The following ZNF740 variants were observed in gnomAD, a reference collection of about 807,000 sequenced individuals.
ZNF740 encodes the protein oriLyt TD-element-binding protein 7.
Under a neutral mutation model 24.8 loss-of-function variants are expected in ZNF740, and 14 were observed. That is an observed-to-expected ratio of 0.56 (90% confidence interval 0.37 to 0.88). The LOEUF is 0.88. Among genes scored for constraint, ZNF740 ranks in the 40% least tolerant of loss-of-function variants. ZNF740 has a pLI of 0.00. For missense variants in ZNF740, 201 were observed against 247.9 expected (o/e 0.81, Z 1.27); for synonymous variants, 69 against 84.0 (o/e 0.82, Z 0.98).
chr12:53,191,661 A>C lies in ZNF740; in HGVS notation c.*4071A>C. On this transcript the variant is annotated 3_prime_UTR_variant, in exon 7 of 7. Transcript: ENST00000416904. ...CCTGGAGAAAGATGTTGCAGATTATAAGCAAAAATCCCAGGATTCCTCGTC... is the reference window on the plus strand; with the variant it reads ...CCTGGAGAAAGATGTTGCAGATTATCAGCAAAAATCCCAGGATTCCTCGTC... 1 of 1,601,716 alleles carries C rather than the reference A, an allele frequency of 6.2e-7. No individual in the cohort carries two copies. The highest frequency in any genetic ancestry group is 8.6e-7 in the Non-Finnish European group (1 of 1,168,746).
intron 2 of ZNF740, among the ~76,000 whole-genome samples, chr12:53,182,506 G>A (rs144672435): frequency 6.6e-6 from 1 of 152,220 alleles, no homozygotes; most frequent in African/African-American, 2.4e-5. Flanking sequence ...TAGAGACTCT[G>A]AATCTGTTGA....
chr12:53,187,619 A>G lies in ZNF740; in HGVS notation c.*29A>G. 6.3e-7 allele frequency: 1 copy of G among 1,588,324 alleles called. No individual in the cohort carries two copies. The highest frequency in any genetic ancestry group is 8.6e-7 in the Non-Finnish European group (1 of 1,156,994). On this transcript the variant is annotated 3_prime_UTR_variant, in exon 7 of 7. Coordinates refer to ENST00000416904, the MANE Select transcript of ZNF740 (RefSeq NM_001004304.4). Reference sequence around the variant, plus strand: ...CAAGGGGCCCCGGGTGGTGGGAGTGATCAGAAGAACCTGCCGAAGAGCACA... The same window carrying G: ...CAAGGGGCCCCGGGTGGTGGGAGTGGTCAGAAGAACCTGCCGAAGAGCACA...
In ZNF740 at chr12:53,193,219, G is replaced by C; in HGVS notation, c.*5629G>C. ...GATGCCCAGAGCTCTGTCCACTGCA[G>C]CTGCAGCGTCCACATTGACAGTGAC... On this transcript the variant is annotated 3_prime_UTR_variant, in exon 7 of 7. Transcript: ENST00000416904. 1.9e-6 allele frequency: 3 copies of C among 1,614,158 alleles called. No homozygotes were observed. The highest frequency in any genetic ancestry group is 1.6e-4 in the Middle Eastern group (1 of 6,062).
At position 53,191,540 on chromosome 12, in the gene ZNF740, A is replaced by G. The variant is rs758333997; in HGVS notation, c.*3950A>G. 1.4e-5 allele frequency: 23 copies of G among 1,594,088 alleles called. No individual in the cohort carries two copies. The highest frequency in any genetic ancestry group is 4.0e-5 in the African/African-American group (3 of 74,516). ...CCTCCAAGGAGAAGAGCCTTGGGTAAGTGTCCCTCCCTCCTTCAGAGAGTG... is the reference window on the plus strand; with the variant it reads ...CCTCCAAGGAGAAGAGCCTTGGGTAGGTGTCCCTCCCTCCTTCAGAGAGTG... On this transcript the variant is annotated 3_prime_UTR_variant, in exon 7 of 7. Transcript: ENST00000416904.
Position 53,192,347 on chromosome 12 carries a change from C to A in ZNF740, c.*4757C>A. On this transcript the variant is annotated 3_prime_UTR_variant, in exon 7 of 7. Transcript: ENST00000416904. ...CCACTTACTTTCTTGGGGTCTCACT[C>A]TGAGCACGACCGTGCCTCTGGCGTC... is the stretch of plus-strand genomic sequence containing the variant. 6.2e-7 allele frequency: 1 copy of A among 1,614,140 alleles called. No individual in the cohort carries two copies. The highest frequency in any genetic ancestry group is 1.3e-5 in the African/African-American group (1 of 75,048).
Position 53,191,150 on chromosome 12 carries a change from A to T in ZNF740, c.*3560A>T. On this transcript the variant is annotated 3_prime_UTR_variant, in exon 7 of 7. Transcript: ENST00000416904. ...TTGAGAATTCATAGGCCCTTTCCAGACCTGGCTTCCTGGGTCCCAGGGTGC... is the reference window on the plus strand; with the variant it reads ...TTGAGAATTCATAGGCCCTTTCCAGTCCTGGCTTCCTGGGTCCCAGGGTGC... 4.1e-6 allele frequency: 1 copy of T among 243,400 alleles called. No homozygotes were observed. Among genetic ancestry groups the T allele is most frequent in the Non-Finnish European group, 8.2e-6 (1 of 121,924 alleles). 15.1% of individuals were successfully genotyped at this position (243,400 alleles called of 1,614,324 possible). A position where few individuals can be genotyped will look rare whatever the true frequency, so the allele number is the denominator to read the frequency against.
chr12:53,191,452 G>GA lies in ZNF740; in HGVS notation c.*3864dup, dbSNP rs1301981511. Reference sequence around the variant, plus strand: ...AGGGTGGTGGCCGCACCTCGCCAGTGAATTAGTCCCCTACCAAGGTCTTAC... The same window carrying GA: ...AGGGTGGTGGCCGCACCTCGCCAGTGAAATTAGTCCCCTACCAAGGTCTTAC... On this transcript the variant is annotated 3_prime_UTR_variant, in exon 7 of 7. Coordinates refer to ENST00000416904, the MANE Select transcript of ZNF740 (RefSeq NM_001004304.4). The GA allele has an allele frequency of 1.1e-6, 1 of 914,436 alleles. No homozygotes were observed. The highest frequency in any genetic ancestry group is 1.8e-6 in the Non-Finnish European group (1 of 547,772). 56.6% of individuals were successfully genotyped at this position (914,436 alleles called of 1,614,324 possible). A position where few individuals can be genotyped will look rare whatever the true frequency, so the allele number is the denominator to read the frequency against.
Position 53,192,891 on chromosome 12 carries a change from A to G in ZNF740, c.*5301A>G. On this transcript the variant is annotated 3_prime_UTR_variant, in exon 7 of 7. Transcript: ENST00000416904. ...GGTTGGCATGACAGTGACATACTCC[A>G]CATTGGCAGCGACCAAAGCCTGGGG... The G allele has an allele frequency of 6.2e-7, 1 of 1,614,078 alleles. No individual in the cohort carries two copies. Among genetic ancestry groups the G allele is most frequent in the Non-Finnish European group, 8.5e-7 (1 of 1,179,958 alleles).
At chr12:53,184,219 C>T (rs962174994) in intron 2 of ZNF740, among the ~76,000 whole-genome samples, 3 of 149,680 alleles carry the variant, frequency 2.0e-5, no homozygotes, top group African/African-American at 5.0e-5. Flanking sequence ...GAGGGATTCT[C>T]GCTCTGTTGC....
Position 53,194,460 on chromosome 12 carries a change from G to T in ZNF740, c.*6870G>T, listed in dbSNP as rs1942086064. 4 of 1,025,214 alleles carry T rather than the reference G, an allele frequency of 3.9e-6. No homozygotes were observed. The South Asian group carries it at 6.1e-5, about 16-fold the overall frequency. The allele number at this position is 1,025,214 out of a possible 1,614,324, so 63.5% of individuals were successfully genotyped here. A position where few individuals can be genotyped will look rare whatever the true frequency, so the allele number is the denominator to read the frequency against. ...CAGCACCCTGCCCTCTGCCACCTGG[G>T]GCTCCTTCCATTCTGCCCAGTCGAG... On this transcript the variant is annotated 3_prime_UTR_variant, in exon 7 of 7. Coordinates refer to ENST00000416904, the MANE Select transcript of ZNF740 (RefSeq NM_001004304.4).
In ZNF740 at chr12:53,193,918, A is replaced by ATAT; in HGVS notation, c.*6329_*6330insATT. On this transcript the variant is annotated 3_prime_UTR_variant, in exon 7 of 7. Transcript: ENST00000416904. ...GAAAGTCACCTGAGAAGAGGCAGGA[A>ATAT]TCAGGCCATGGTTATACACATGCAC... The ATAT allele has an allele frequency of 6.2e-7, 1 of 1,605,980 alleles. No individual in the cohort carries two copies. The highest frequency in any genetic ancestry group is 8.5e-7 in the Non-Finnish European group (1 of 1,175,442).
intron 6 of ZNF740, among the ~76,000 whole-genome samples, chr12:53,187,247 G>A (rs1592389087): frequency 6.6e-6 from 1 of 152,288 alleles, no homozygotes; most frequent in East Asian, 1.9e-4. Flanking sequence ...TTGCAGTTTT[G>A]CAGATGAGTA....
intron 1 of ZNF740, 82 bp downstream of exon 1, chr12:53,180,919 C>A: frequency 2.0e-6 from 1 of 502,464 alleles, no homozygotes; most frequent in Non-Finnish European, 2.3e-6. Context: ...GGGTGCCGCG[C>A]GGGAAGGGGG....
In ZNF740 at chr12:53,193,949, C is replaced by T. The variant is rs766254752; in HGVS notation, c.*6359C>T. 2.5e-5 allele frequency: 38 copies of T among 1,533,736 alleles called. No homozygotes were observed. The highest frequency in any genetic ancestry group is 3.5e-4 in the Middle Eastern group (2 of 5,684). Reference sequence around the variant, plus strand: ...CCATGGTTATACACATGCACACACACATACCCCAAACTCACCAATCATCCA... The same window carrying T: ...CCATGGTTATACACATGCACACACATATACCCCAAACTCACCAATCATCCA... On this transcript the variant is annotated 3_prime_UTR_variant, in exon 7 of 7. Transcript: ENST00000416904.
Position 53,186,498 on chromosome 12 carries a change from C to T in ZNF740, c.481C>T (p.Arg161Trp), listed in dbSNP as rs763524672. 20 of 1,570,522 alleles carry T rather than the reference C, an allele frequency of 1.3e-5. No individual in the cohort carries two copies. The highest frequency in any genetic ancestry group is 1.7e-4 in the Middle Eastern group (1 of 6,006). Reference sequence around the variant, plus strand: ...TGGTGAAAAGCCTTACCAGTGTGAACGGTGTCATCAGGTAAGGCTCATCCC... The same window carrying T: ...TGGTGAAAAGCCTTACCAGTGTGAATGGTGTCATCAGGTAAGGCTCATCCC... ...HSGEKPYQCE[R>W]CHQCFSRTDR... The change falls in exon 6 of 7, where the codon CGG becomes TGG. Residue 161 changes from arginine (R) to tryptophan (W), a missense_variant. Coordinates refer to ENST00000416904, the MANE Select transcript of ZNF740 (RefSeq NM_001004304.4).
chr12:53,193,175 G>A lies in ZNF740; in HGVS notation c.*5585G>A. Reference sequence around the variant, plus strand: ...GATGCCCTCATGTCGCTCACAGCTGGCATCGTCACACTCGCACAGATGCCC... The same window carrying A: ...GATGCCCTCATGTCGCTCACAGCTGACATCGTCACACTCGCACAGATGCCC... On this transcript the variant is annotated 3_prime_UTR_variant, in exon 7 of 7. Coordinates refer to ENST00000416904, the MANE Select transcript of ZNF740 (RefSeq NM_001004304.4). 2 of 1,613,606 alleles carry A rather than the reference G, an allele frequency of 1.2e-6. No individual in the cohort carries two copies. The highest frequency in any genetic ancestry group is 1.7e-6 in the Non-Finnish European group (2 of 1,179,642).
At position 53,194,462 on chromosome 12, in the gene ZNF740, C is replaced by T. The variant is rs958358164; in HGVS notation, c.*6872C>T. ...GCACCCTGCCCTCTGCCACCTGGGG[C>T]TCCTTCCATTCTGCCCAGTCGAGGC... On this transcript the variant is annotated 3_prime_UTR_variant, in exon 7 of 7. Transcript: ENST00000416904. 3.0e-5 allele frequency: 30 copies of T among 999,856 alleles called. 1 individual carries two copies. Among genetic ancestry groups the T allele is most frequent in the Middle Eastern group, 4.6e-4 (2 of 4,310 alleles). 61.9% of individuals were successfully genotyped at this position (999,856 alleles called of 1,614,324 possible).
chr12:53,185,343 G>T (rs572358478), intron 3 of ZNF740, 44 bp from the exon 4 acceptor site: 1 of 1,590,886 alleles, frequency 6.3e-7, no homozygotes, highest in South Asian at 1.1e-5. Flanking sequence ...CTCATCTCAT[G>T]TTCCGAGATG....
chr12:53,192,439 G>C lies in ZNF740; in HGVS notation c.*4849G>C, dbSNP rs754910525. The C allele has an allele frequency of 3.8e-5, 62 of 1,614,166 alleles. 1 individual carries two copies. Among genetic ancestry groups the C allele is most frequent in the South Asian group, 2.6e-4 (24 of 91,086 alleles). On this transcript the variant is annotated 3_prime_UTR_variant, in exon 7 of 7. Coordinates refer to ENST00000416904, the MANE Select transcript of ZNF740 (RefSeq NM_001004304.4). ...GCTCTTTGCACCAGCCATCATCCAA[G>C]ATAGGGGCCAAGGCCAGGGTCACAT...
Sources: allele counts gnomAD v4.1 joint callset (sites outside exome capture counted in the v4.1 genomes callset), GRCh38; gene constraint gnomAD v4.1.1; transcripts MANE v1.5; gene names NCBI Gene and HGNC (gene_info 2026-07-23, HGNC 2026-07-21).